Variants in STMN3 observed in about 807,000 individuals in gnomAD.
STMN3 encodes the protein stathmin 3, also known as stathmin-3.
A neutral mutation model predicts 23.2 loss-of-function variants in STMN3; 24 were observed. That is an observed-to-expected ratio of 1.03 (90% CI 0.75 to 1.45). The LOEUF (loss-of-function observed/expected upper bound fraction) is 1.45. Ranked by LOEUF, STMN3 falls within the 40% of genes most tolerant of loss-of-function variation. STMN3 has a pLI of 0.00. For synonymous variants in STMN3, 117 were observed against 103.4 expected (o/e 1.13, Z -0.80); for missense variants, 235 against 237.6 (o/e 0.99, Z 0.07).
intron 3 of STMN3, among the ~76,000 whole-genome samples, 192 bp from the exon 4 acceptor site, chr20:63,642,491 G>T (rs1448325161): frequency 6.6e-6 from 1 of 151,784 alleles, no homozygotes; most frequent in Non-Finnish European, 1.5e-5. Flanking sequence ...CCTGTGGTCG[G>T]GGCAGGGCCA....
chr20:63,642,871 G>T (rs1453773463), intron 3 of STMN3, among the ~76,000 whole-genome samples: 1 of 152,200 alleles, frequency 6.6e-6, no homozygotes, highest in Admixed American at 6.5e-5. Context: ...AGTCAGCCCT[G>T]TGAACCCTGG....
rs2089804769 is a variant in STMN3 at position 63,645,826 on chromosome 20, A to G, written c.20-1517T>C. Among the ~76,000 whole-genome samples the G allele has an allele frequency of 3.3e-5, 5 of 152,154 alleles. No homozygotes were observed. The South Asian group carries it at 1.0e-3, about 32-fold the overall frequency. On this transcript the variant is annotated intron_variant, in intron 1 of 4. Coordinates refer to ENST00000370053, the MANE Select transcript of STMN3 (RefSeq NM_015894.4). ...AAATTAGCCAGGCGTGGTGGCAGGC[A>G]CCTGTAATCCTAGCTACTTGGGAGG...
chr20:63,642,359 C>G, intron 3 of STMN3, 60 bp from the exon 4 acceptor site: 1 of 1,245,238 alleles, frequency 8.0e-7, no homozygotes, highest in Non-Finnish European at 1.0e-6. Flanking sequence ...GGCCGGACTC[C>G]TCCCTGCTCT....
intron 1 of STMN3, among the ~76,000 whole-genome samples, chr20:63,646,161 C>T (rs2089807187): frequency 6.6e-6 from 1 of 151,962 alleles, no homozygotes; most frequent in Non-Finnish European, 1.5e-5. Flanking sequence ...GCACAGAGCC[C>T]AAGAGGGTGT....
At chr20:63,648,410 C>G (rs931781445) in intron 1 of STMN3, among the ~76,000 whole-genome samples, 2 of 152,128 alleles carry the variant, frequency 1.3e-5, no homozygotes, top group Admixed American at 6.6e-5. Context: ...GGCCCCTACC[C>G]TTCAGCTCAT....
rs186527749 is a variant in STMN3 at position 63,646,440 on chromosome 20, C to T, written c.20-2131G>A. Reference sequence around the variant, plus strand: ...TGCGATCTCGGCTCACCGCAAGCTCCGCCTCCTGGGTTCACACCATTCTCC... The same window carrying T: ...TGCGATCTCGGCTCACCGCAAGCTCTGCCTCCTGGGTTCACACCATTCTCC... On this transcript the variant is annotated intron_variant, in intron 1 of 4. Transcript: ENST00000370053. Among the ~76,000 whole-genome samples the T allele has an allele frequency of 1.9e-3, 293 of 152,040 alleles. 2 individuals carry two copies. Among genetic ancestry groups the T allele is most frequent in the African/African-American group, 6.2e-3 (258 of 41,400 alleles).
chr20:63,641,978 CGCCCAG>C (rs2089770369), intron 4 of STMN3, 124 bp downstream of exon 4: 3 of 85,178 alleles, frequency 3.5e-5, no homozygotes, highest in Non-Finnish European at 7.8e-5. Flanking sequence ...GCCCCGCCCC[CGCCCAG>C]TGCCCCGCCC....
At chr20:63,650,689 G>T (rs1270114164) in intron 1 of STMN3, among the ~76,000 whole-genome samples, 3 of 105,368 alleles carry the variant, frequency 2.8e-5, no homozygotes, top group Non-Finnish European at 5.7e-5. Context: ...CGCTCCCAGG[G>T]TCACACCTCA....
At chr20:63,647,991 T>TGTATATATATATACAC (rs1555897558) in intron 1 of STMN3, among the ~76,000 whole-genome samples, 27 of 75,892 alleles carry the variant, frequency 3.6e-4, no homozygotes, top group African/African-American at 1.2e-3. Context: ...CATATATATA[T>TGTATATATATATACAC]ACAGAGAGAG....
rs1401682658 is a variant in STMN3 at position 63,647,977 on chromosome 20, T to C, written c.20-3668A>G. 8.7e-4 allele frequency among the ~76,000 whole-genome samples: 68 copies of C among 77,898 alleles called. 3 individuals carry two copies. Among genetic ancestry groups the C allele is most frequent in the African/African-American group, 3.6e-3 (62 of 17,120 alleles). 51.1% of individuals were successfully genotyped at this position (77,898 alleles called of 152,430 possible). A position where few individuals can be genotyped will look rare whatever the true frequency, so the allele number is the denominator to read the frequency against. ...ATATATATGTATATATATATATATA[T>C]ATACATATATATATACAGAGAGAGA... On this transcript the variant is annotated intron_variant, in intron 1 of 4. Transcript: ENST00000370053.
chr20:63,642,311 C>T lies in STMN3; in HGVS notation c.292-12G>A, dbSNP rs1487463541. 2.0e-6 allele frequency: 3 copies of T among 1,464,252 alleles called. No individual in the cohort carries two copies. Among genetic ancestry groups the T allele is most frequent in the Non-Finnish European group, 2.7e-6 (3 of 1,105,544 alleles). 90.7% of individuals were successfully genotyped at this position (1,464,252 alleles called of 1,614,324 possible). ...TGCGCCTCCTGCGTCTGTGCGGGGCCGGCGGGCGCGCGTGAGCGGCAACCC... is the reference window on the plus strand; with the variant it reads ...TGCGCCTCCTGCGTCTGTGCGGGGCTGGCGGGCGCGCGTGAGCGGCAACCC... On this transcript the variant is annotated splice_polypyrimidine_tract_variant and intron_variant, in intron 3 of 4. Coordinates refer to ENST00000370053, the MANE Select transcript of STMN3 (RefSeq NM_015894.4).
rs748453793 is a variant in STMN3 at position 63,644,198 on chromosome 20, G to A, written c.115+16C>T. On this transcript the variant is annotated intron_variant, in intron 2 of 4. Coordinates refer to ENST00000370053, the MANE Select transcript of STMN3 (RefSeq NM_015894.4). Reference sequence around the variant, plus strand: ...CAGGCACCGCAGGGAAGGGCAGGCGGCAGCCAGGCACTCACCCCCGTACTG... The same window carrying A: ...CAGGCACCGCAGGGAAGGGCAGGCGACAGCCAGGCACTCACCCCCGTACTG... The A allele has an allele frequency of 1.9e-6, 3 of 1,608,122 alleles. No individual in the cohort carries two copies. In the South Asian group the frequency reaches 3.3e-5, roughly 18 times the overall value.
chr20:63,650,500 C>A (rs994247481), intron 1 of STMN3, among the ~76,000 whole-genome samples: 1 of 122,682 alleles, frequency 8.2e-6, no homozygotes, highest in Admixed American at 8.0e-5. Context: ...CCACCCCTCC[C>A]GCCGTCCAGG....
chr20:63,653,180 C>T, intron 1 of STMN3, 147 bp downstream of exon 1: 4 of 1,052,568 alleles, frequency 3.8e-6, no homozygotes, highest in Non-Finnish European at 5.2e-6. Context: ...CAGACCCCAG[C>T]CTCGGGCGGG....
At position 63,640,175 on chromosome 20, in the gene STMN3, G is replaced by C. The variant is rs1025149576; in HGVS notation, c.*1163C>G. The stretch of plus-strand genomic sequence containing the variant: ...GCAGCTTTGGGATGGGGCTTCCGTG[G>C]AGAAGTGGGGGATGCTGCAGTGGTA... On this transcript the variant is annotated 3_prime_UTR_variant, in exon 5 of 5. Transcript: ENST00000370053. 2 of 152,712 alleles carry C rather than the reference G, an allele frequency of 1.3e-5. No individual in the cohort carries two copies. Among genetic ancestry groups the C allele is most frequent in the African/African-American group, 4.8e-5 (2 of 41,448 alleles). 9.5% of individuals were successfully genotyped at this position (152,712 alleles called of 1,614,324 possible). A position where few individuals can be genotyped will look rare whatever the true frequency, so the allele number is the denominator to read the frequency against.
chr20:63,644,429 C>T (rs2089793448), intron 1 of STMN3, 120 bp from the exon 2 acceptor site: 8 of 732,048 alleles, frequency 1.1e-5, no homozygotes, highest in Non-Finnish European at 1.8e-5. Context: ...GCCCAGCACG[C>T]TCTCTTGTGT....
chr20:63,648,586 A>T (rs1302692114), intron 1 of STMN3, among the ~76,000 whole-genome samples: 3 of 152,092 alleles, frequency 2.0e-5, no homozygotes, highest in Non-Finnish European at 4.4e-5. Flanking sequence ...AAATATAAAA[A>T]TTAGCTGGGT....
chr20:63,651,663 T>G (rs1231176406), intron 1 of STMN3, among the ~76,000 whole-genome samples: 3 of 152,176 alleles, frequency 2.0e-5, no homozygotes, highest in African/African-American at 7.2e-5. Context: ...CAAGCACCTT[T>G]CCTGAAATAT....
intron 1 of STMN3, among the ~76,000 whole-genome samples, chr20:63,650,008 A>G (rs927425317): frequency 2.0e-5 from 3 of 151,650 alleles, no homozygotes; most frequent in Non-Finnish European, 4.4e-5. Context: ...CTGTATTTTT[A>G]GTAGAGATGA....
Sources: gnomAD v4.1 joint callset for allele counts (sites outside exome capture counted in the v4.1 genomes callset) on GRCh38, gnomAD v4.1.1 for gene constraint, MANE v1.5 for transcripts, NCBI Gene and HGNC (gene_info 2026-07-23, HGNC 2026-07-21) for gene names.